ASH1L: variants seen among roughly 807,000 people sequenced by gnomAD.
ASH1L encodes the protein histone-lysine N-methyltransferase ASH1L.
In ASH1L, 23 loss-of-function variants were observed where a neutral mutation model predicts 269.0. The ratio of observed to expected loss-of-function variants is 0.09; its 90% CI spans 0.06 to 0.12. The LOEUF (loss-of-function observed/expected upper bound fraction) is 0.12, where lower values mean the gene tolerates loss of function less well. ASH1L is among the 10% of genes least tolerant of loss of function. ASH1L has a pLI of 1.00. For synonymous variants in ASH1L, 1,187 were observed against 1,253.5 expected (o/e 0.95, Z 1.12); for missense variants, 2,912 against 3,567.8 (o/e 0.82, Z 4.68).
chr1:155,348,321 A>G (rs960028936), intron 19 of ASH1L, among the ~76,000 whole-genome samples: 5 of 152,094 alleles, frequency 3.3e-5, no homozygotes, highest in Non-Finnish European at 7.3e-5. Context: ...GAATGTTACA[A>G]TTTAAGATTG....
intron 2 of ASH1L, among the ~76,000 whole-genome samples, chr1:155,495,398 CAG>C (rs1667077378): frequency 6.6e-6 from 1 of 152,070 alleles, no homozygotes; most frequent in African/African-American, 2.4e-5. Context: ...CTAACCTGTA[CAG>C]CGTGGTACTG....
intron 4 of ASH1L, among the ~76,000 whole-genome samples, chr1:155,441,802 GT>G (rs1662600620): frequency 1.4e-5 from 2 of 139,284 alleles, no homozygotes; most frequent in South Asian, 4.6e-4. Context: ...GTCTCACTAT[GT>G]TAACCAGGTT....
At chr1:155,416,738 A>T (rs553992979) in intron 5 of ASH1L, among the ~76,000 whole-genome samples, 1 of 150,484 alleles carries the variant, frequency 6.6e-6, no homozygotes, top group African/African-American at 2.4e-5. Context: ...TTTTAGTTTC[A>T]CCATGTTGGC....
chr1:155,562,219 C>T lies in ASH1L; in HGVS notation c.-166G>A. The T allele has an allele frequency of 6.2e-7, 1 of 1,609,354 alleles. No individual in the cohort carries two copies. The highest frequency in any genetic ancestry group is 8.5e-7 in the Non-Finnish European group (1 of 1,176,288). The stretch of plus-strand genomic sequence containing the variant: ...CAGGGAAGTGGGGAAGAGGGGGTGG[C>T]CGCCAGGCTCCTCCGCTTCCCTGGG... On this transcript the variant is annotated 5_prime_UTR_variant, in exon 1 of 28. Coordinates refer to ENST00000392403, the MANE Select transcript of ASH1L (RefSeq NM_018489.3).
intron 24 of ASH1L, among the ~76,000 whole-genome samples, chr1:155,342,367 G>A (rs964986361): frequency 6.6e-6 from 1 of 152,214 alleles, no homozygotes; most frequent in Non-Finnish European, 1.5e-5. Context: ...AGGGATGTGT[G>A]AGGGAGTATT....
intron 6 of ASH1L, among the ~76,000 whole-genome samples, chr1:155,411,578 AATAAATAAATATATATATATATATATAT>A (rs1362753021): frequency 2.4e-4 from 5 of 21,128 alleles, no homozygotes; most frequent in Non-Finnish European, 3.1e-4. Flanking sequence ...AATATAAATA[AATAAATAAATATATATATATATATATAT>A]ATATATATAT....
rs1300827214 is a variant in ASH1L at position 155,562,684 on chromosome 1, C to G, written c.-631G>C. The G allele has an allele frequency of 2.0e-6, 3 of 1,516,316 alleles. No individual in the cohort carries two copies. Among genetic ancestry groups the G allele is most frequent in the Admixed American group, 4.0e-5 (2 of 50,454 alleles). The allele number at this position is 1,516,316 out of a possible 1,614,324, so 93.9% of individuals were successfully genotyped here. On this transcript the variant is annotated 5_prime_UTR_variant, in exon 1 of 28. Coordinates refer to ENST00000392403, the MANE Select transcript of ASH1L (RefSeq NM_018489.3). The stretch of plus-strand genomic sequence containing the variant: ...TTCGGCCGCCCCGCGCGCCAGCCAG[C>G]CCGTACGCGCTCACCCACAGGAACC...
At chr1:155,410,195 C>T (rs1209217089) in intron 6 of ASH1L, among the ~76,000 whole-genome samples, 1 of 152,026 alleles carries the variant, frequency 6.6e-6, no homozygotes, top group Non-Finnish European at 1.5e-5. Context: ...GTCATGAACA[C>T]AACTCACTGC....
intron 10 of ASH1L, among the ~76,000 whole-genome samples, chr1:155,375,140 A>G (rs1418961654): frequency 6.6e-6 from 1 of 152,086 alleles, no homozygotes; most frequent in Non-Finnish European, 1.5e-5. Flanking sequence ...ATAATACCTA[A>G]TAACACATAC....
chr1:155,499,926 A>G (rs1667400890), intron 2 of ASH1L, among the ~76,000 whole-genome samples: 1 of 152,214 alleles, frequency 6.6e-6, no homozygotes, highest in Non-Finnish European at 1.5e-5. Flanking sequence ...AACAAACCAC[A>G]ATACAGACTC....
At chr1:155,472,108 C>G (rs536570630) in intron 3 of ASH1L, among the ~76,000 whole-genome samples, 1 of 152,058 alleles carries the variant, frequency 6.6e-6, no homozygotes, top group Non-Finnish European at 1.5e-5. Context: ...CTGGCCAATA[C>G]AGTGAAACCC....
chr1:155,402,812 C>T (rs1206311776), intron 6 of ASH1L, among the ~76,000 whole-genome samples: 1 of 151,798 alleles, frequency 6.6e-6, no homozygotes, highest in Non-Finnish European at 1.5e-5. Context: ...CCTTGGCCTC[C>T]CGAAGTACTG....
chr1:155,388,633 G>A (rs1305110723), intron 7 of ASH1L, among the ~76,000 whole-genome samples: 1 of 150,016 alleles, frequency 6.7e-6, no homozygotes, highest in African/African-American at 2.5e-5. Context: ...TTCCTCTTTT[G>A]CTCAATACAA....
chr1:155,497,881 CT>C (rs1181122622), intron 2 of ASH1L, among the ~76,000 whole-genome samples: 2 of 151,868 alleles, frequency 1.3e-5, no homozygotes, highest in Non-Finnish European at 1.5e-5. Flanking sequence ...TCCTGAGTAG[CT>C]GGGACTACAG....
intron 2 of ASH1L, among the ~76,000 whole-genome samples, chr1:155,489,739 C>T (rs948164212): frequency 6.6e-6 from 1 of 150,674 alleles, no homozygotes; most frequent in South Asian, 2.1e-4. Context: ...GCCTGGGCAA[C>T]AGAGGGAGAC....
At chr1:155,546,665 G>A (rs1670846810) in intron 1 of ASH1L, among the ~76,000 whole-genome samples, 2 of 151,958 alleles carry the variant, frequency 1.3e-5, no homozygotes, top group East Asian at 2.0e-4. Context: ...GGCTGAGGCA[G>A]GAGAATCACT....
Position 155,562,160 on chromosome 1 carries a change from G to A in ASH1L, c.-107C>T, listed in dbSNP as rs1206359264. 1.4e-5 allele frequency: 22 copies of A among 1,573,854 alleles called. No individual in the cohort carries two copies. The highest frequency in any genetic ancestry group is 1.8e-5 in the Non-Finnish European group (21 of 1,148,976). On this transcript the variant is annotated 5_prime_UTR_variant, in exon 1 of 28. Coordinates refer to ENST00000392403, the MANE Select transcript of ASH1L (RefSeq NM_018489.3). ...CCAAATCGTTCTACTCACCGTGTCGGAGGCCGAGGCCGAGGCCGAGAGCGA... is the reference window on the plus strand; with the variant it reads ...CCAAATCGTTCTACTCACCGTGTCGAAGGCCGAGGCCGAGGCCGAGAGCGA...
chr1:155,400,476 T>C lies in ASH1L; in HGVS notation c.6009-4923A>G, dbSNP rs752761164. Among the ~76,000 whole-genome samples the C allele has an allele frequency of 7.9e-5, 12 of 152,184 alleles. No homozygotes were observed. The East Asian group carries it at 9.6e-4, about 12-fold the overall frequency. On this transcript the variant is annotated intron_variant, in intron 6 of 27. Transcript: ENST00000392403. ...TTCATGTATGGAAAGCATTCTGACA[T>C]TGATAACTGAGTAACAGGTACTATT... is the stretch of plus-strand genomic sequence containing the variant.
intron 5 of ASH1L, among the ~76,000 whole-genome samples, chr1:155,427,167 C>T (rs915131896): frequency 7.1e-6 from 1 of 140,224 alleles, no homozygotes; most frequent in Non-Finnish European, 1.5e-5. Context: ...CAGAGTCTCG[C>T]TCTGTCACCC....
Sources: gnomAD v4.1 joint callset for allele counts (sites outside exome capture counted in the v4.1 genomes callset) on GRCh38, gnomAD v4.1.1 for gene constraint, MANE v1.5 for transcripts, NCBI Gene and HGNC (gene_info 2026-07-23, HGNC 2026-07-21) for gene names.